The following ZNF892 variants were observed in gnomAD, a reference collection of about 807,000 sequenced individuals.
The protein encoded by ZNF892 is zinc finger protein 892, also known as zinc finger protein 570-like.
chr2:95,254,731 A>G, the ZNF892 span, among the ~76,000 whole-genome samples: 1 of 151,994 alleles, frequency 6.6e-6, no homozygotes, highest in Non-Finnish European at 1.5e-5. Context: ...TTGGTTGGTA[A>G]GCTATTAATT....
the ZNF892 span, among the ~76,000 whole-genome samples, chr2:95,243,688 G>A: frequency 6.6e-5 from 10 of 151,706 alleles, no homozygotes; most frequent in East Asian, 2.0e-4. Context: ...GAGCGTCTCC[G>A]CCCGGCAGCC....
At chr2:95,250,443 C>T in the ZNF892 span, among the ~76,000 whole-genome samples, 2 of 150,518 alleles carry the variant, frequency 1.3e-5, no homozygotes, top group East Asian at 1.9e-4. Context: ...GGGTTAGTTT[C>T]TATATGTCTG....
chr2:95,217,215 T>C, the ZNF892 span, among the ~76,000 whole-genome samples: 1 of 152,172 alleles, frequency 6.6e-6, no homozygotes, highest in African/African-American at 2.4e-5. Context: ...TCTAGCAGAT[T>C]AGGACTCTGC....
At chr2:95,214,049 C>G in the ZNF892 span, among the ~76,000 whole-genome samples, 1 of 152,148 alleles carries the variant, frequency 6.6e-6, no homozygotes, top group African/African-American at 2.4e-5. Flanking sequence ...TCTTCTTAGT[C>G]TCATTCTGTT....
the ZNF892 span, among the ~76,000 whole-genome samples, chr2:95,220,884 A>G: frequency 6.6e-6 from 1 of 152,180 alleles, no homozygotes; most frequent in Admixed American, 6.5e-5. Context: ...TTTTATTTGT[A>G]TTTTTGTTTG....
the ZNF892 span, chr2:95,232,098 T>C: frequency 1.3e-5 from 2 of 152,184 alleles, no homozygotes; most frequent in Non-Finnish European, 1.5e-5. Context: ...AAATCCAACA[T>C]GTAAGCTTCC....
chr2:95,232,456 G>T, the ZNF892 span, among the ~76,000 whole-genome samples: 5 of 152,238 alleles, frequency 3.3e-5, no homozygotes, highest in African/African-American at 1.2e-4. Context: ...CAGGCAGGGC[G>T]CCTGGGACAC....
the ZNF892 span, among the ~76,000 whole-genome samples, chr2:95,253,978 G>A: frequency 2.6e-5 from 4 of 152,160 alleles, no homozygotes; most frequent in Non-Finnish European, 5.9e-5. Context: ...AGGAGATTTT[G>A]GGCTGAGACG....
At chr2:95,230,764 C>T in the ZNF892 span, among the ~76,000 whole-genome samples, 1 of 152,198 alleles carries the variant, frequency 6.6e-6, no homozygotes, top group Non-Finnish European at 1.5e-5. Flanking sequence ...TGAGGAATGA[C>T]TATGTGTTTT....
chr2:95,206,852 T>C, the ZNF892 span, among the ~76,000 whole-genome samples: 1 of 152,156 alleles, frequency 6.6e-6, no homozygotes, highest in African/African-American at 2.4e-5. Flanking sequence ...CTTTCCCAGC[T>C]AGAGAGAGTC....
the ZNF892 span, among the ~76,000 whole-genome samples, chr2:95,233,600 G>A: frequency 6.7e-6 from 1 of 149,296 alleles, no homozygotes; most frequent in Non-Finnish European, 1.5e-5. Context: ...GTGAAACCGG[G>A]AGGCGGAGCT....
the ZNF892 span, among the ~76,000 whole-genome samples, chr2:95,252,544 A>T: frequency 6.6e-6 from 1 of 152,192 alleles, no homozygotes; most frequent in African/African-American, 2.4e-5. Context: ...CACAATAAAC[A>T]TACGTGTGCA....
the ZNF892 span, chr2:95,207,951 A>G: frequency 2.5e-6 from 1 of 397,556 alleles, no homozygotes; most frequent in African/African-American, 2.1e-5. Flanking sequence ...CCTTCCTACT[A>G]GCCGGTCTCA....
chr2:95,250,586 C>A, the ZNF892 span, among the ~76,000 whole-genome samples: 41 of 96,342 alleles, frequency 4.3e-4, no homozygotes, highest in African/African-American at 1.5e-3. Context: ...TAAATATAAG[C>A]TATTCATAAA....
At chr2:95,248,048 T>C in the ZNF892 span, among the ~76,000 whole-genome samples, 1 of 152,194 alleles carries the variant, frequency 6.6e-6, no homozygotes, top group African/African-American at 2.4e-5. Flanking sequence ...ATATGTTCAT[T>C]GCAACACTAT....
chr2:95,242,835 C>T, the ZNF892 span, among the ~76,000 whole-genome samples: 2 of 151,976 alleles, frequency 1.3e-5, no homozygotes, highest in South Asian at 2.1e-4. Flanking sequence ...CTCCCTCTCC[C>T]CACGGTCTCC....
the ZNF892 span, among the ~76,000 whole-genome samples, chr2:95,239,239 T>A: frequency 1.3e-5 from 2 of 152,002 alleles, no homozygotes; most frequent in Non-Finnish European, 2.9e-5. Flanking sequence ...TTGCTTCTTG[T>A]GGATGAGCAA....
chr2:95,212,129 C>A, the ZNF892 span: 2 of 398,052 alleles, frequency 5.0e-6, no homozygotes, highest in South Asian at 2.6e-4. Flanking sequence ...TTACCATGTT[C>A]CTAAAGACCA....
the ZNF892 span, among the ~76,000 whole-genome samples, chr2:95,244,471 C>T: frequency 3.3e-5 from 5 of 151,854 alleles, no homozygotes; most frequent in East Asian, 1.9e-4. Flanking sequence ...GTAATGGTAA[C>T]GCATTCAATT....
Sources: gnomAD v4.1 joint callset for allele counts (sites outside exome capture counted in the v4.1 genomes callset) on GRCh38, gnomAD v4.1.1 for gene constraint, MANE v1.5 for transcripts, NCBI Gene and HGNC (gene_info 2026-07-23, HGNC 2026-07-21) for gene names.